Variants in AK5 observed in about 807,000 individuals in gnomAD.
AK5 encodes the protein adenylate kinase isoenzyme 5.
AK5 carries 27 observed loss-of-function variants against 69.5 expected under a neutral mutation model. The observed-to-expected ratio is 0.39, with a 90% CI of 0.29 to 0.54. The LOEUF is 0.54. Among genes scored for constraint, AK5 ranks in the 20% least tolerant of loss-of-function variants. The pLI is 0.71. For missense variants in AK5, 531 were observed against 700.4 expected (o/e 0.76, Z 2.73); for synonymous variants, 260 against 244.4 (o/e 1.06, Z -0.60).
At chr1:77,345,963 A>G (rs1661894586) in intron 6 of AK5, 1 of 152,228 alleles carries the variant, frequency 6.6e-6, no homozygotes, top group Non-Finnish European at 1.5e-5. Context: ...CAGCTGATTA[A>G]CACATATTTT....
intron 10 of AK5, among the ~76,000 whole-genome samples, chr1:77,499,528 G>T (rs1290263682): frequency 6.6e-6 from 1 of 152,178 alleles, no homozygotes; most frequent in Non-Finnish European, 1.5e-5. Flanking sequence ...ATTTGGGCCA[G>T]TTGCGTATGA....
intron 6 of AK5, among the ~76,000 whole-genome samples, chr1:77,401,773 T>C (rs1301286035): frequency 1.3e-5 from 2 of 152,202 alleles, no homozygotes; most frequent in Non-Finnish European, 2.9e-5. Flanking sequence ...GGTGCATAAT[T>C]CTCCTCCCTC....
intron 8 of AK5, among the ~76,000 whole-genome samples, chr1:77,423,064 AC>A (rs1557581440): frequency 1.3e-5 from 2 of 151,826 alleles, no homozygotes; most frequent in Non-Finnish European, 2.9e-5. Context: ...AAATACAAAA[AC>A]AAAAAATTAG....
chr1:77,552,403 A>T (rs1368444835), intron 13 of AK5, among the ~76,000 whole-genome samples: 1 of 151,942 alleles, frequency 6.6e-6, no homozygotes, highest in Non-Finnish European at 1.5e-5. Flanking sequence ...ATCATTGAAC[A>T]TTTTTTTTCT....
Position 77,390,903 on chromosome 1 carries a change from T to C in AK5, c.892-20078T>C, listed in dbSNP as rs545788266. The stretch of plus-strand genomic sequence containing the variant: ...ACAATCACTTTGGAAGAACAATAGA[T>C]TATTTGTGTCTGTGTATTTTAAGGA... On this transcript the variant is annotated intron_variant, in intron 6 of 13. Transcript: ENST00000354567. 2.0e-5 allele frequency among the ~76,000 whole-genome samples: 3 copies of C among 152,328 alleles called. No homozygotes were observed. In the South Asian group the frequency reaches 6.2e-4, roughly 32 times the overall value.
At chr1:77,327,836 A>G (rs973636474) in intron 5 of AK5, among the ~76,000 whole-genome samples, 1 of 152,234 alleles carries the variant, frequency 6.6e-6, no homozygotes, top group Non-Finnish European at 1.5e-5. Flanking sequence ...AATTATAGAC[A>G]GTTCAGGCTC....
At chr1:77,397,533 C>A (rs1648912742) in intron 6 of AK5, among the ~76,000 whole-genome samples, 2 of 152,142 alleles carry the variant, frequency 1.3e-5, no homozygotes, top group African/African-American at 4.8e-5. Context: ...GTCCACTAAT[C>A]CAATTAAATT....
rs758349612 is a variant in AK5 at position 77,340,507 on chromosome 1, A to G, written c.830A>G (p.Asn277Ser). Residue 277 changes from asparagine to serine, a missense_variant, in exon 6 of 14, where the codon AAC (asparagine) becomes AGC (serine). Asn to Ser is a conservative substitution (Grantham distance 46). Transcript: ENST00000354567. ...NVKATQRRLM[N>S]FKQNAAPLVK... ...AAAGCTACCCAAAGGAGACTAATGA[A>G]CTTCAAGCAGAATGCTGCTCCATTG... 9 of 1,614,128 alleles carry G rather than the reference A, an allele frequency of 5.6e-6. No homozygotes were observed. Among genetic ancestry groups the G allele is most frequent in the Non-Finnish European group, 7.6e-6 (9 of 1,179,996 alleles).
chr1:77,299,375 A>C (rs555586144), intron 5 of AK5, among the ~76,000 whole-genome samples: 1 of 151,558 alleles, frequency 6.6e-6, no homozygotes, highest in Non-Finnish European at 1.5e-5. Flanking sequence ...ATATCGTATT[A>C]AACAGTATTA....
chr1:77,344,140 C>T (rs1015438593), intron 6 of AK5, among the ~76,000 whole-genome samples: 12 of 152,134 alleles, frequency 7.9e-5, no homozygotes, highest in African/African-American at 2.9e-4. Context: ...AGAGAACAAA[C>T]CCAGTTTGAC....
chr1:77,462,718 G>T (rs558386937), intron 8 of AK5, among the ~76,000 whole-genome samples: 1 of 152,166 alleles, frequency 6.6e-6, no homozygotes, highest in African/African-American at 2.4e-5. Flanking sequence ...TATTTTCTGG[G>T]CTTCCTAAGC....
intron 13 of AK5, among the ~76,000 whole-genome samples, chr1:77,549,828 CTTTT>C (rs950431946): frequency 1.1e-4 from 17 of 149,196 alleles, no homozygotes; most frequent in Admixed American, 3.5e-4. Flanking sequence ...ACCACATTTT[CTTTT>C]TTCTTTTTTT....
chr1:77,340,530 T>C lies in AK5; in HGVS notation c.853T>C (p.Leu285=). The C allele has an allele frequency of 1.2e-6, 2 of 1,614,074 alleles. No individual in the cohort carries two copies. The highest frequency in any genetic ancestry group is 8.5e-7 in the Non-Finnish European group (1 of 1,179,948). ...GAACTTCAAGCAGAATGCTGCTCCA[T>C]TGGTTAAATACTTCCAGGAAAAGGG... ...LMNFKQNAAP[L]VKYFQEKGLI... Residue 285 remains leucine (L), a synonymous_variant, in exon 6 of 14, where the codon TTG becomes CTG. Coordinates refer to ENST00000354567, the MANE Select transcript of AK5 (RefSeq NM_174858.3).
At chr1:77,511,843 G>A (rs559608052) in intron 10 of AK5, among the ~76,000 whole-genome samples, 19 of 152,344 alleles carry the variant, frequency 1.2e-4, no homozygotes, top group Admixed American at 5.2e-4. Flanking sequence ...AGCTAGCTAG[G>A]GAGGTAAGTG....
At chr1:77,495,851 G>A (rs956693589) in intron 10 of AK5, among the ~76,000 whole-genome samples, 4 of 151,914 alleles carry the variant, frequency 2.6e-5, no homozygotes, top group Non-Finnish European at 5.9e-5. Context: ...TTAAAGGGGG[G>A]TGCTTAAACT....
intron 10 of AK5, among the ~76,000 whole-genome samples, chr1:77,497,990 G>A (rs535961728): frequency 6.6e-6 from 1 of 152,164 alleles, no homozygotes; most frequent in Non-Finnish European, 1.5e-5. Flanking sequence ...TCTGGCTATA[G>A]ACACAGATGT....
chr1:77,340,946 C>T, intron 6 of AK5: 1 of 167,690 alleles, frequency 6.0e-6, no homozygotes, highest in Non-Finnish European at 1.3e-5. Flanking sequence ...TATAACCACA[C>T]AGTTGATGTG....
Position 77,282,367 on chromosome 1 carries a change from T to G in AK5, c.54T>G (p.Leu18=). The change falls in exon 1 of 14, where the codon CTT becomes CTG. Residue 18 remains leucine (L), a synonymous_variant. Coordinates refer to ENST00000354567, the MANE Select transcript of AK5 (RefSeq NM_174858.3). ...EYLARREIPQ[L]FESLLNGLMC... is the part of the protein sequence containing the mutation. Reference sequence around the variant, plus strand: ...TGGCCCGGAGGGAAATCCCTCAGCTTTTTGAGGTAGGGCTAGAGCTGGCCG... The same window carrying G: ...TGGCCCGGAGGGAAATCCCTCAGCTGTTTGAGGTAGGGCTAGAGCTGGCCG... 6.4e-7 allele frequency: 1 copy of G among 1,552,040 alleles called. No individual in the cohort carries two copies. Among genetic ancestry groups the G allele is most frequent in the South Asian group, 1.2e-5 (1 of 82,798 alleles).
At chr1:77,383,077 A>G (rs1197436439) in intron 6 of AK5, among the ~76,000 whole-genome samples, 3 of 152,218 alleles carry the variant, frequency 2.0e-5, no homozygotes, top group Non-Finnish European at 2.9e-5. Flanking sequence ...ATTATGATAA[A>G]TGTCAGCAGA....
Sources: gnomAD v4.1 joint callset for allele counts (sites outside exome capture counted in the v4.1 genomes callset) on GRCh38, gnomAD v4.1.1 for gene constraint, MANE v1.5 for transcripts, NCBI Gene and HGNC (gene_info 2026-07-23, HGNC 2026-07-21) for gene names.